Variants in RNF13 observed in about 807,000 individuals in gnomAD.
RNF13 encodes the protein E3 ubiquitin-protein ligase RNF13.
A neutral mutation model predicts 37.7 loss-of-function variants in RNF13; 19 were observed. That is an observed-to-expected ratio of 0.50 (90% CI 0.35 to 0.74). The LOEUF is 0.74. Among genes scored for constraint, RNF13 ranks in the 30% least tolerant of loss-of-function variants. RNF13 has a pLI of 0.01. For synonymous variants in RNF13, 144 were observed against 157.8 expected, an observed-to-expected ratio of 0.91 and a Z score of 0.65; for missense variants, 375 against 453.0, an observed-to-expected ratio of 0.83 and a Z score of 1.56.
intron 3 of RNF13, among the ~76,000 whole-genome samples, chr3:149,852,847 A>C (rs1418384936): frequency 1.3e-5 from 2 of 151,734 alleles, no homozygotes; most frequent in Non-Finnish European, 2.9e-5. Context: ...TTTTTAGGAT[A>C]TGTGCTATGC....
At chr3:149,940,874 T>C (rs1053865740) in intron 8 of RNF13, among the ~76,000 whole-genome samples, 5 of 152,178 alleles carry the variant, frequency 3.3e-5, no homozygotes, top group African/African-American at 1.2e-4. Context: ...CAGCCCTTGC[T>C]AACCACATTT....
intron 6 of RNF13, among the ~76,000 whole-genome samples, chr3:149,903,480 A>G (rs542867543): frequency 6.6e-6 from 1 of 152,184 alleles, no homozygotes; most frequent in African/African-American, 2.4e-5. Flanking sequence ...TTGCTTACCA[A>G]CTACTGTTTT....
intron 8 of RNF13, chr3:149,939,013 A>G: frequency 2.1e-6 from 1 of 480,360 alleles, no homozygotes; most frequent in Non-Finnish European, 4.0e-6. Flanking sequence ...CTCCACTGCC[A>G]GAGATTTTGA....
At chr3:149,870,856 T>TAG (rs1711961151) in intron 3 of RNF13, among the ~76,000 whole-genome samples, 1 of 151,774 alleles carries the variant, frequency 6.6e-6, no homozygotes. Context: ...TCCTGTGGAA[T>TAG]AGATGATTGG....
Position 149,863,556 on chromosome 3 carries a change from T to A in RNF13, c.196-8473T>A, listed in dbSNP as rs1724499824. 2.0e-5 allele frequency among the ~76,000 whole-genome samples: 3 copies of A among 152,100 alleles called. No individual in the cohort carries two copies. In the South Asian group the frequency reaches 6.2e-4, roughly 32 times the overall value. ...CACCACGCCTGGCTAATTTTTGTAT[T>A]TTTAGTAGAGACAGGGTTTCACCAT... On this transcript the variant is annotated intron_variant, in intron 3 of 9. Coordinates refer to ENST00000392894, the MANE Select transcript of RNF13 (RefSeq NM_183381.3).
chr3:149,904,517 G>A (rs893306974), intron 6 of RNF13, among the ~76,000 whole-genome samples: 11 of 151,964 alleles, frequency 7.2e-5, no homozygotes, highest in African/African-American at 2.7e-4. Context: ...AGCAGCTGGG[G>A]GCTACAGGCG....
chr3:149,915,627 A>G (rs1050112987), intron 7 of RNF13, among the ~76,000 whole-genome samples: 1 of 152,242 alleles, frequency 6.6e-6, no homozygotes, highest in Admixed American at 6.5e-5. Flanking sequence ...AGGGATAAAC[A>G]AGATGTGGAA....
At chr3:149,907,280 C>T (rs1037756077) in intron 6 of RNF13, among the ~76,000 whole-genome samples, 12 of 152,086 alleles carry the variant, frequency 7.9e-5, no homozygotes, top group Non-Finnish European at 2.9e-5. Flanking sequence ...ACTTTAACAC[C>T]ATGTTAAATA....
intron 8 of RNF13, among the ~76,000 whole-genome samples, chr3:149,923,609 CA>C (rs1450531661): frequency 6.6e-6 from 1 of 151,160 alleles, no homozygotes; most frequent in Non-Finnish European, 1.5e-5. Context: ...TACTAAAATA[CA>C]AAAAAATTAG....
At position 149,837,483 on chromosome 3, in the gene RNF13, AAG is replaced by A. The variant is rs1410847260; in HGVS notation, c.-16-8525_-16-8524del. On this transcript the variant is annotated intron_variant, in intron 1 of 9. Transcript: ENST00000392894. ...CTGAGACTGGGCAATTTTCAAAAGA[AAG>A]AGGTTTAATGGACTTACAGTTCCAC... Among the ~76,000 whole-genome samples, 7 of 152,316 alleles carry A rather than the reference AAG, an allele frequency of 4.6e-5. No homozygotes were observed. In the East Asian group the frequency reaches 1.3e-3, roughly 29 times the overall value.
At chr3:149,904,239 ATATT>A (rs1238186335) in intron 6 of RNF13, among the ~76,000 whole-genome samples, 1 of 152,190 alleles carries the variant, frequency 6.6e-6, no homozygotes, top group East Asian at 1.9e-4. Flanking sequence ...ACATAATAAT[ATATT>A]GTCTTTTCTA....
At chr3:149,941,955 G>A (rs1355278522) in intron 8 of RNF13, among the ~76,000 whole-genome samples, 3 of 149,612 alleles carry the variant, frequency 2.0e-5, no homozygotes, top group African/African-American at 7.4e-5. Context: ...AGTACCATTT[G>A]TTAAGGAGAC....
At chr3:149,885,469 A>C (rs141378114) in intron 4 of RNF13, among the ~76,000 whole-genome samples, 4,535 of 152,150 alleles carry the variant, frequency 0.03, 78 homozygotes, top group South Asian at 0.036. Flanking sequence ...ACTTGCATTT[A>C]TCTGATGATC....
chr3:149,879,765 T>A (rs1222481788), intron 4 of RNF13, among the ~76,000 whole-genome samples: 1 of 152,220 alleles, frequency 6.6e-6, no homozygotes. Flanking sequence ...GACTGCTCAT[T>A]AAAGTTACTC....
In RNF13 at chr3:149,960,147, T is replaced by A. The variant is rs1366831561; in HGVS notation, c.781+11T>A. ...TTCCCTGTTCCCATGGTATGAGTAA[T>A]TACGTACTGCTTTGAATTTACATAT... On this transcript the variant is annotated intron_variant, in intron 9 of 9. Coordinates refer to ENST00000392894, the MANE Select transcript of RNF13 (RefSeq NM_183381.3). The A allele has an allele frequency of 6.6e-7, 1 of 1,524,478 alleles. No homozygotes were observed. Among genetic ancestry groups the A allele is most frequent in the South Asian group, 1.1e-5 (1 of 88,886 alleles). The allele number at this position is 1,524,478 out of a possible 1,614,324, so 94.4% of individuals were successfully genotyped here.
intron 1 of RNF13, among the ~76,000 whole-genome samples, chr3:149,841,051 T>C (rs1439164293): frequency 6.6e-6 from 1 of 152,216 alleles, no homozygotes; most frequent in Non-Finnish European, 1.5e-5. Flanking sequence ...CTGTAGGGAA[T>C]CAGAGACTTT....
At chr3:149,940,821 C>G (rs958616250) in intron 8 of RNF13, among the ~76,000 whole-genome samples, 1 of 152,126 alleles carries the variant, frequency 6.6e-6, no homozygotes, top group East Asian at 1.9e-4. Flanking sequence ...CACTAAGACT[C>G]TGTACCCACT....
chr3:149,933,263 C>CTT (rs764216660), intron 8 of RNF13, among the ~76,000 whole-genome samples: 2 of 139,258 alleles, frequency 1.4e-5, no homozygotes, highest in African/African-American at 2.7e-5. Flanking sequence ...CCTTTTGAGG[C>CTT]TTTTTTTTTT....
rs181382657 is a variant in RNF13 at position 149,856,820 on chromosome 3, C to T, written c.195+4224C>T. On this transcript the variant is annotated intron_variant, in intron 3 of 9. Coordinates refer to ENST00000392894, the MANE Select transcript of RNF13 (RefSeq NM_183381.3). ...GGAGTGCAGTGGTGTGATCCCGGCT[C>T]ACTGCAAGCTCCGGCCTTCTGGGTT... Among the ~76,000 whole-genome samples, 15 of 152,280 alleles carry T rather than the reference C, an allele frequency of 9.9e-5. No individual in the cohort carries two copies. The East Asian group carries it at 2.7e-3, about 27-fold the overall frequency.
Sources: gnomAD v4.1 joint callset for allele counts (sites outside exome capture counted in the v4.1 genomes callset) on GRCh38, gnomAD v4.1.1 for gene constraint, MANE v1.5 for transcripts, NCBI Gene and HGNC (gene_info 2026-07-23, HGNC 2026-07-21) for gene names.